Variants in SNTG1 observed in about 807,000 individuals in gnomAD.
SNTG1 encodes the protein syntrophin gamma 1.
A neutral mutation model predicts 74.7 loss-of-function variants in SNTG1; 39 were observed. That is an observed-to-expected ratio of 0.52 (90% CI 0.40 to 0.68). SNTG1 has a LOEUF of 0.68. Among genes scored for constraint, SNTG1 ranks in the 30% least tolerant of loss-of-function variants. The pLI is 0.00. For synonymous variants in SNTG1, 254 were observed against 217.1 expected, an observed-to-expected ratio of 1.17 and a Z score of -1.49; for missense variants, 685 against 609.5, an observed-to-expected ratio of 1.12 and a Z score of -1.30.
At chr8:49,933,924 C>T (rs114886723) in intron 1 of SNTG1, among the ~76,000 whole-genome samples, 37 of 152,034 alleles carry the variant, frequency 2.4e-4, no homozygotes, top group Admixed American at 1.6e-3. Flanking sequence ...TTAGGAATAA[C>T]GTGGGAAAGG....
chr8:50,665,505 G>A (rs891401525), intron 15 of SNTG1, among the ~76,000 whole-genome samples: 9 of 151,870 alleles, frequency 5.9e-5, no homozygotes, highest in African/African-American at 2.2e-4. Flanking sequence ...CAATAGCAAG[G>A]AGCACACTCA....
At chr8:50,146,387 G>T (rs28560363) in intron 1 of SNTG1, among the ~76,000 whole-genome samples, 1 of 151,994 alleles carries the variant, frequency 6.6e-6, no homozygotes, top group African/African-American at 2.4e-5. Context: ...GCGTGGTGGC[G>T]CATGCCTTTA....
intron 15 of SNTG1, among the ~76,000 whole-genome samples, chr8:50,678,292 T>C (rs1235624469): frequency 6.6e-6 from 1 of 152,090 alleles, no homozygotes; most frequent in African/African-American, 2.4e-5. Context: ...ATTGAATTGA[T>C]ATGTTCTATT....
intron 2 of SNTG1, among the ~76,000 whole-genome samples, chr8:50,318,879 A>G (rs1218093775): frequency 2.6e-5 from 4 of 152,096 alleles, no homozygotes; most frequent in Non-Finnish European, 4.4e-5. Flanking sequence ...GGTATTACAT[A>G]TATTTTCTAT....
At position 50,793,112 on chromosome 8, in the gene SNTG1, T is replaced by G. The variant is rs149833536; in HGVS notation, c.*283T>G. On this transcript the variant is annotated 3_prime_UTR_variant, in exon 19 of 19. Coordinates refer to ENST00000642720, the MANE Select transcript of SNTG1 (RefSeq NM_018967.5). ...AGTGGAGACAAAAGAATAAATTATT[T>G]GAAGAAGTATGTAAATAACATAAAA... 638 of 253,672 alleles carry G rather than the reference T, an allele frequency of 2.5e-3. 6 individuals carry two copies. Among genetic ancestry groups the G allele is most frequent in the African/African-American group, 0.013 (569 of 45,072 alleles). 15.7% of individuals were successfully genotyped at this position (253,672 alleles called of 1,614,324 possible). A position where few individuals can be genotyped will look rare whatever the true frequency, so the allele number is the denominator to read the frequency against.
intron 3 of SNTG1, among the ~76,000 whole-genome samples, chr8:50,399,671 A>G (rs765713210): frequency 1.3e-4 from 18 of 142,544 alleles, no homozygotes; most frequent in Admixed American, 7.3e-4. Context: ...GTATCATTTC[A>G]TATTTCCACT....
In SNTG1 at chr8:50,122,885, G is replaced by A. The variant is rs1586371643; in HGVS notation, c.-102-49676G>A. 1.4e-5 allele frequency among the ~76,000 whole-genome samples: 2 copies of A among 142,326 alleles called. 1 individual carries two copies. Among genetic ancestry groups the A allele is most frequent in the African/African-American group, 5.1e-5 (2 of 39,324 alleles). The allele number at this position is 142,326 out of a possible 152,430, so 93.4% of individuals were successfully genotyped here. On this transcript the variant is annotated intron_variant, in intron 1 of 18. Transcript: ENST00000642720. ...AACCAATAGAGAGAAAAACCTGATT[G>A]CTTTGCATATAAAATGGGAATGGAA...
At chr8:50,074,796 G>A (rs1163005561) in intron 1 of SNTG1, among the ~76,000 whole-genome samples, 1 of 152,164 alleles carries the variant, frequency 6.6e-6, no homozygotes, top group Non-Finnish European at 1.5e-5. Flanking sequence ...TGCACTGTGG[G>A]AGCCACTCTC....
At chr8:50,072,698 T>C (rs1402787732) in intron 1 of SNTG1, among the ~76,000 whole-genome samples, 2 of 152,202 alleles carry the variant, frequency 1.3e-5, no homozygotes, top group Non-Finnish European at 1.5e-5. Context: ...TGATCATCTC[T>C]AAAACTAAAA....
At chr8:50,486,806 T>A (rs547099327) in intron 8 of SNTG1, among the ~76,000 whole-genome samples, 3,502 of 151,990 alleles carry the variant, frequency 0.023, 126 homozygotes, top group African/African-American at 0.077. Context: ...ATAGCTCTTA[T>A]TATTTTGAAA....
chr8:50,152,463 T>C (rs2131546525), intron 1 of SNTG1, among the ~76,000 whole-genome samples: 1 of 152,310 alleles, frequency 6.6e-6, no homozygotes, highest in South Asian at 2.1e-4. Context: ...TGTTATCTGG[T>C]TATTTTGCTT....
chr8:50,380,927 A>G (rs1482902379), intron 2 of SNTG1: 1 of 152,178 alleles, frequency 6.6e-6, no homozygotes, highest in African/African-American at 2.4e-5. Context: ...CTTCACTTTC[A>G]CTTTTCTTGG....
intron 2 of SNTG1, among the ~76,000 whole-genome samples, chr8:50,180,847 A>C (rs1586608256): frequency 7.9e-6 from 1 of 127,102 alleles, no homozygotes; most frequent in Admixed American, 1.0e-4. Flanking sequence ...TGCAACCTCC[A>C]CCTCCCAGGT....
rs140346956 is a variant in SNTG1 at position 50,452,008 on chromosome 8, C to A, written c.363+1279C>A. ...GTTTATTTGGTTTTTGAATAGATTGCTCCTCTGTTAAAAGCTATTTAGAGA... is the reference window on the plus strand; with the variant it reads ...GTTTATTTGGTTTTTGAATAGATTGATCCTCTGTTAAAAGCTATTTAGAGA... On this transcript the variant is annotated intron_variant, in intron 8 of 18. Transcript: ENST00000642720. 5.7e-3 allele frequency among the ~76,000 whole-genome samples: 866 copies of A among 152,284 alleles called. 5 individuals are homozygous for A. The highest frequency in any genetic ancestry group is 0.011 in the Admixed American group (168 of 15,296).
At chr8:50,228,333 A>G (rs1038278000) in intron 2 of SNTG1, among the ~76,000 whole-genome samples, 1 of 152,052 alleles carries the variant, frequency 6.6e-6, no homozygotes, top group Admixed American at 6.6e-5. Context: ...GGACTACCTT[A>G]CAAAGAAAAA....
At chr8:50,467,136 C>T (rs180957093) in intron 8 of SNTG1, among the ~76,000 whole-genome samples, 57 of 151,752 alleles carry the variant, frequency 3.8e-4, no homozygotes, top group African/African-American at 9.2e-4. Flanking sequence ...TTTTTTGTAA[C>T]GCTTTTAAAA....
At chr8:50,450,917 A>T (rs2093451031) in intron 8 of SNTG1, among the ~76,000 whole-genome samples, 188 bp downstream of exon 8, 1 of 152,152 alleles carries the variant, frequency 6.6e-6, no homozygotes, top group Non-Finnish European at 1.5e-5. Flanking sequence ...TCAAGGATGA[A>T]ATGTGTTCTG....
At chr8:50,789,284 T>C (rs778287468) in intron 18 of SNTG1, among the ~76,000 whole-genome samples, 2 of 151,994 alleles carry the variant, frequency 1.3e-5, no homozygotes, top group Non-Finnish European at 2.9e-5. Context: ...TCCCGGGTTT[T>C]GCACTCACTT....
At position 50,058,689 on chromosome 8, in the gene SNTG1, G is replaced by A. The variant is rs203956; in HGVS notation, c.-102-113872G>A. 6.7e-3 allele frequency among the ~76,000 whole-genome samples: 1,014 copies of A among 151,932 alleles called. 8 individuals carry two copies. The highest frequency in any genetic ancestry group is 0.012 in the Non-Finnish European group (802 of 67,916). ...ATAAAGCAACGAGGATACTGACATT[G>A]ATAAAATAAACTGATGTTTTTCAGA... On this transcript the variant is annotated intron_variant, in intron 1 of 18. Transcript: ENST00000642720.
Sources: allele counts gnomAD v4.1 joint callset (sites outside exome capture counted in the v4.1 genomes callset), GRCh38; gene constraint gnomAD v4.1.1; transcripts MANE v1.5; gene names NCBI Gene and HGNC (gene_info 2026-07-23, HGNC 2026-07-21).